The following P2RX3 variants were observed in gnomAD, a reference collection of about 807,000 sequenced individuals.
The protein encoded by P2RX3 is P2X purinoceptor 3.
A neutral mutation model predicts 51.5 loss-of-function variants in P2RX3; 41 were observed. That is an observed-to-expected ratio of 0.80 (90% CI 0.62 to 1.03). The LOEUF (loss-of-function observed/expected upper bound fraction) is 1.03. Among genes scored for constraint, P2RX3 ranks in the 50% least tolerant of loss-of-function variants. P2RX3 has a pLI of 0.00. For synonymous variants in P2RX3, 185 were observed against 191.6 expected, an observed-to-expected ratio of 0.97 and a Z score of 0.29; for missense variants, 459 against 522.1, an observed-to-expected ratio of 0.88 and a Z score of 1.18.
In P2RX3 at chr11:57,363,753, C is replaced by T. The variant is rs73472581; in HGVS notation, c.843-4256C>T. 8.0e-3 allele frequency among the ~76,000 whole-genome samples: 1,221 copies of T among 152,292 alleles called. 18 individuals carry two copies. The highest frequency in any genetic ancestry group is 0.027 in the African/African-American group (1,139 of 41,554). ...CAGATTCTGTGATCCCCATCGGCCACAGGAGAGTGCAGAAGCTGGGACTTC... is the reference window on the plus strand; with the variant it reads ...CAGATTCTGTGATCCCCATCGGCCATAGGAGAGTGCAGAAGCTGGGACTTC... On this transcript the variant is annotated intron_variant, in intron 8 of 11. Coordinates refer to ENST00000263314, the MANE Select transcript of P2RX3 (RefSeq NM_002559.5).
At chr11:57,348,529 C>A in intron 5 of P2RX3, 98 bp from the exon 6 acceptor site, 1 of 1,040,700 alleles carries the variant, frequency 9.6e-7, no homozygotes, top group Non-Finnish European at 1.5e-6. Flanking sequence ...AGAGGTCTCC[C>A]TTTGGAGGCA....
intron 10 of P2RX3, among the ~76,000 whole-genome samples, chr11:57,368,837 C>T (rs1856837583): frequency 1.3e-5 from 2 of 152,138 alleles, no homozygotes; most frequent in South Asian, 4.1e-4. Flanking sequence ...CCCACGCAGT[C>T]CTCTCTCTGT....
At chr11:57,357,287 T>A (rs1856645588) in intron 8 of P2RX3, among the ~76,000 whole-genome samples, 1 of 152,090 alleles carries the variant, frequency 6.6e-6, no homozygotes, top group Non-Finnish European at 1.5e-5. Context: ...ACCACTGCAC[T>A]CCAGCCTGGG....
chr11:57,344,905 G>A (rs529285700), intron 1 of P2RX3, among the ~76,000 whole-genome samples: 5 of 147,294 alleles, frequency 3.4e-5, no homozygotes, highest in South Asian at 4.5e-4. Context: ...TGGGACCCCC[G>A]GTACGTTCTG....
chr11:57,359,906 G>C (rs1264728292), intron 8 of P2RX3, among the ~76,000 whole-genome samples: 1 of 152,188 alleles, frequency 6.6e-6, no homozygotes, highest in Non-Finnish European at 1.5e-5. Context: ...TAGGTACTAT[G>C]TTCAGCCTTC....
intron 8 of P2RX3, among the ~76,000 whole-genome samples, chr11:57,367,590 G>A (rs141356919): frequency 0.013 from 2,026 of 152,210 alleles, 18 homozygotes; most frequent in Middle Eastern, 0.02. Context: ...GGATGGTGGC[G>A]CGTGCCTGTA....
chr11:57,349,730 C>T (rs1468289461), intron 6 of P2RX3, 27 bp from the exon 7 acceptor site: 3 of 1,613,760 alleles, frequency 1.9e-6, no homozygotes, highest in Admixed American at 3.3e-5. Context: ...GAACCCTGGG[C>T]TGACCTCTCT....
Position 57,346,694 on chromosome 11 carries a change from C to G in P2RX3, c.255+15C>G. ...CGCCACCTCAGGTATGGTACCCCTA[C>G]CCAGAGAGGCATGTGGATGTCCAGA... On this transcript the variant is annotated intron_variant, in intron 2 of 11. Transcript: ENST00000263314. 6.2e-7 allele frequency: 1 copy of G among 1,612,532 alleles called. No individual in the cohort carries two copies. The highest frequency in any genetic ancestry group is 8.5e-7 in the Non-Finnish European group (1 of 1,179,556).
intron 8 of P2RX3, among the ~76,000 whole-genome samples, chr11:57,363,091 T>G (rs953323458): frequency 1.3e-5 from 2 of 152,212 alleles, no homozygotes; most frequent in Admixed American, 1.3e-4. Flanking sequence ...AGAAGTCGAA[T>G]GACCTTCCCA....
intron 8 of P2RX3, among the ~76,000 whole-genome samples, chr11:57,359,006 G>T (rs1282147504): frequency 6.6e-6 from 1 of 152,140 alleles, no homozygotes; most frequent in Non-Finnish European, 1.5e-5. Flanking sequence ...CTCAGTGAAG[G>T]CCCCGGAGGC....
chr11:57,364,258 G>A (rs1486715214), intron 8 of P2RX3, among the ~76,000 whole-genome samples: 1 of 152,164 alleles, frequency 6.6e-6, no homozygotes, highest in Non-Finnish European at 1.5e-5. Context: ...TGTGAGACAG[G>A]ACACAGTATT....
chr11:57,340,697 T>G (rs71484444), intron 1 of P2RX3: 4,958 of 152,292 alleles, frequency 0.033, 103 homozygotes, highest in Non-Finnish European at 0.045. Flanking sequence ...TCCACAAACG[T>G]GAAATGTCAA....
chr11:57,338,027 G>A (rs184234426), upstream of P2RX3, among the ~76,000 whole-genome samples: 3 of 152,320 alleles, frequency 2.0e-5, no homozygotes, highest in African/African-American at 7.2e-5. Context: ...AGGAGGGGAC[G>A]GCGCAGAACT....
In P2RX3 at chr11:57,368,115, G is replaced by A. The variant is rs774140480; in HGVS notation, c.936+13G>A. ...GGTATACGGGAATGTGAGTCCATGGGCCAGGCAGATGGGGTGGACAGGGGA... is the reference window on the plus strand; with the variant it reads ...GGTATACGGGAATGTGAGTCCATGGACCAGGCAGATGGGGTGGACAGGGGA... On this transcript the variant is annotated intron_variant, in intron 9 of 11. Transcript: ENST00000263314. 18 of 1,612,952 alleles carry A rather than the reference G, an allele frequency of 1.1e-5. No homozygotes were observed. Among genetic ancestry groups the A allele is most frequent in the Non-Finnish European group, 1.4e-5 (16 of 1,178,954 alleles).
At chr11:57,355,357 A>G (rs1169536162) in intron 8 of P2RX3, among the ~76,000 whole-genome samples, 34 of 71,924 alleles carry the variant, frequency 4.7e-4, no homozygotes, top group African/African-American at 1.4e-3. Context: ...TTTTTTTTTG[A>G]GACAGAGTTT....
At chr11:57,342,075 T>C (rs530567243) in intron 1 of P2RX3, among the ~76,000 whole-genome samples, 1 of 151,242 alleles carries the variant, frequency 6.6e-6, no homozygotes, top group Admixed American at 6.6e-5. Context: ...GTGAGGCACC[T>C]TGTCAGCACA....
chr11:57,370,248 C>T lies in P2RX3; in HGVS notation c.*251C>T, dbSNP rs1856864597. The T allele has an allele frequency of 4.0e-6, 2 of 502,490 alleles. No individual in the cohort carries two copies. Among genetic ancestry groups the T allele is most frequent in the South Asian group, 5.3e-5 (2 of 37,670 alleles). The allele number at this position is 502,490 out of a possible 1,614,324, so 31.1% of individuals were successfully genotyped here. ...TCCTAGGACCCCTGGGGCAGGAGCA[C>T]CTGAGCCATCCCCTTCCCAAAGAGT... On this transcript the variant is annotated 3_prime_UTR_variant, in exon 12 of 12. Transcript: ENST00000263314.
intron 8 of P2RX3, 89 bp from the exon 9 acceptor site, chr11:57,367,920 C>A: frequency 9.6e-7 from 1 of 1,038,662 alleles, no homozygotes. Flanking sequence ...GCTCAGTGAG[C>A]CAAGACACAG....
Position 57,371,045 on chromosome 11 carries a change from T to C in P2RX3, c.*1048T>C, listed in dbSNP as rs1856878075. 6.6e-6 allele frequency among the ~76,000 whole-genome samples: 1 copy of C among 152,254 alleles called. No individual in the cohort carries two copies. The highest frequency in any genetic ancestry group is 2.4e-5 in the African/African-American group (1 of 41,476). ...GCTAAAGGGGCCTTTTAAACCATCT[T>C]ATCTAACCCTCTTGCTTACAGATGA... On this transcript the variant is annotated 3_prime_UTR_variant, in exon 12 of 12. Coordinates refer to ENST00000263314, the MANE Select transcript of P2RX3 (RefSeq NM_002559.5).
Sources: gnomAD v4.1 joint callset for allele counts (sites outside exome capture counted in the v4.1 genomes callset) on GRCh38, gnomAD v4.1.1 for gene constraint, MANE v1.5 for transcripts, NCBI Gene and HGNC (gene_info 2026-07-23, HGNC 2026-07-21) for gene names.